EVC2: variants seen among roughly 807,000 people sequenced by gnomAD.
EVC2 encodes limbin.
EVC2 carries 148 observed loss-of-function variants against 149.3 expected under a neutral mutation model. The ratio of observed to expected loss-of-function variants is 0.99; its 90% CI spans 0.87 to 1.14. The LOEUF (loss-of-function observed/expected upper bound fraction) is 1.14. Ranked by LOEUF, EVC2 falls within the 50% of genes most tolerant of loss-of-function variation. EVC2 has a pLI of 0.00. For synonymous variants in EVC2, 776 were observed against 649.9 expected (o/e 1.19, Z -2.95); for missense variants, 1,854 against 1,627.3 (o/e 1.14, Z -2.40).
At chr4:5,586,707 G>A (rs6842286) in intron 16 of EVC2, among the ~76,000 whole-genome samples, 6,164 of 152,114 alleles carry the variant, frequency 0.041, 369 homozygotes, top group African/African-American at 0.14. Flanking sequence ...TCAACCAACT[G>A]CCAATCAGAA....
At chr4:5,642,557 G>A (rs6414622) in intron 9 of EVC2, among the ~76,000 whole-genome samples, 127,179 of 152,200 alleles carry the variant, frequency 0.84, 53,541 homozygotes, top group African/African-American at 0.92. Context: ...ATCCTGAAGT[G>A]AATCACTTTT....
chr4:5,667,347 GATA>G (rs1045377245), intron 7 of EVC2, among the ~76,000 whole-genome samples: 5 of 151,606 alleles, frequency 3.3e-5, no homozygotes, highest in African/African-American at 9.7e-5. Context: ...TGTAATAAGA[GATA>G]ATAATAATTA....
chr4:5,682,511 A>ATAT (rs1160227089), intron 6 of EVC2, among the ~76,000 whole-genome samples: 3 of 150,558 alleles, frequency 2.0e-5, no homozygotes, highest in Non-Finnish European at 4.4e-5. Context: ...AATAATAATA[A>ATAT]TAATAAAATT....
At position 5,665,554 on chromosome 4, in the gene EVC2, G is replaced by A; in HGVS notation, c.966C>T (p.Arg322=). 2 of 1,614,190 alleles carry A rather than the reference G, an allele frequency of 1.2e-6. No individual in the cohort carries two copies. The highest frequency in any genetic ancestry group is 2.2e-5 in the East Asian group (1 of 44,880). ...LTWAALFLMV[R]YQCLKGNMLT... The stretch of plus-strand genomic sequence containing the variant: ...GCATGTTTCCCTTCAGACACTGATA[G>A]CGAACCATGAGGAAGAGGGCAGCCC... Residue 322 remains arginine (R), a synonymous_variant, in exon 8 of 22, where the codon CGC becomes CGT. Coordinates refer to ENST00000344408, the MANE Select transcript of EVC2 (RefSeq NM_147127.5).
In EVC2 at chr4:5,678,688, G is replaced by A. The variant is rs529616469; in HGVS notation, c.870+2572C>T. Among the ~76,000 whole-genome samples, 47 of 152,296 alleles carry A rather than the reference G, an allele frequency of 3.1e-4. 1 individual carries two copies. The highest frequency in any genetic ancestry group is 1.1e-3 in the African/African-American group (46 of 41,566). ...CTACAAACCTGTACAGCATGTTACT[G>A]TACTGAATACTGTAGGTAACTGTAA... On this transcript the variant is annotated intron_variant, in intron 7 of 21. Coordinates refer to ENST00000344408, the MANE Select transcript of EVC2 (RefSeq NM_147127.5).
chr4:5,650,638 T>TATATAGAGAGAGAGAG (rs1162935817), intron 9 of EVC2, among the ~76,000 whole-genome samples: 10 of 45,096 alleles, frequency 2.2e-4, no homozygotes, highest in South Asian at 1.1e-3. Flanking sequence ...TATATATATA[T>TATATAGAGAGAGAGAG]AGAGAGAGAG....
intron 9 of EVC2, among the ~76,000 whole-genome samples, chr4:5,650,826 T>C (rs1020165403): frequency 6.6e-6 from 1 of 152,072 alleles, no homozygotes; most frequent in Non-Finnish European, 1.5e-5. Context: ...GACATGTTTC[T>C]CCAGAGTCCT....
chr4:5,597,134 G>C (rs1713504838), intron 16 of EVC2, among the ~76,000 whole-genome samples: 1 of 152,136 alleles, frequency 6.6e-6, no homozygotes. Flanking sequence ...TTCTACCAGA[G>C]GTAGAAGGAG....
chr4:5,544,581 A>G (rs1033880664), intron 21 of EVC2, among the ~76,000 whole-genome samples: 1 of 152,226 alleles, frequency 6.6e-6, no homozygotes, highest in Non-Finnish European at 1.5e-5. Flanking sequence ...CCAGGTCCCC[A>G]AGAGGGAAGA....
intron 2 of EVC2, among the ~76,000 whole-genome samples, chr4:5,695,555 T>G (rs78251000): frequency 0.073 from 11,111 of 152,218 alleles, 528 homozygotes; most frequent in East Asian, 0.23. Flanking sequence ...AGCTGAGTTC[T>G]CTGGGCCTCA....
rs761148006 is a variant in EVC2 at position 5,681,274 on chromosome 4, C to T, written c.856G>A (p.Glu286Lys). ...QLKVLFSITA[E>K]ENVTVLPHHG... ...ATGTCTCTTACCGTTACGTTTTCTT[C>T]TGCTGTTATGGAAAAAAGCACTTTC... The change falls in exon 7 of 22, where the codon GAA (glutamate) becomes AAA (lysine). Residue 286 changes from glutamate (E) to lysine (K), a missense_variant. Transcript: ENST00000344408. 3.1e-6 allele frequency: 5 copies of T among 1,614,240 alleles called. No individual in the cohort carries two copies. The highest frequency in any genetic ancestry group is 4.2e-6 in the Non-Finnish European group (5 of 1,180,038).
chr4:5,579,369 T>C (rs1711555268), intron 17 of EVC2, among the ~76,000 whole-genome samples: 1 of 152,238 alleles, frequency 6.6e-6, no homozygotes, highest in South Asian at 2.1e-4. Flanking sequence ...CTTAGCCCAC[T>C]GCTTTGGACA....
chr4:5,648,975 TG>T (rs557502061), intron 9 of EVC2, among the ~76,000 whole-genome samples: 107 of 152,358 alleles, frequency 7.0e-4, no homozygotes, highest in African/African-American at 2.5e-3. Flanking sequence ...TCAGGTCCAC[TG>T]GTGAAGACTT....
rs1015050543 is a variant in EVC2, at chr4:5,562,853, C to T, written c.3922G>A (p.Asp1308Asn). 1 of 1,613,966 alleles carries T rather than the reference C, an allele frequency of 6.2e-7. No homozygotes were observed. The highest frequency in any genetic ancestry group is 1.1e-5 in the South Asian group (1 of 91,080). ...CCGCAGGTCTTTCCCTTGGGCTAGT[C>T]CATGCCCAAGGCCCTCATGGCCTTT... ...AKKAMRALGM[D>N] Residue 1308 changes from aspartate (D) to asparagine (N), a missense_variant, in exon 22 of 22, where the codon GAC becomes AAC. By Grantham distance (23) the Asp-to-Asn change is conservative (BLOSUM62 1). Transcript: ENST00000344408. The surrounding 1 kb of genome is among the most constrained non-coding windows in gnomAD (Gnocchi z 4.3).
At chr4:5,598,690 A>G (rs1345759185) in intron 16 of EVC2, among the ~76,000 whole-genome samples, 2 of 152,180 alleles carry the variant, frequency 1.3e-5, no homozygotes, top group Non-Finnish European at 2.9e-5. Flanking sequence ...CACCAAAAGC[A>G]ATGGCAACAA....
chr4:5,581,816 G>GTGCCCCAC (rs1008568906), intron 17 of EVC2, among the ~76,000 whole-genome samples: 4 of 152,340 alleles, frequency 2.6e-5, no homozygotes, highest in African/African-American at 9.6e-5. Context: ...GCCAGGCCCA[G>GTGCCCCAC]TGCCCCACTG....
At chr4:5,704,418 C>A (rs934516560) in intron 1 of EVC2, among the ~76,000 whole-genome samples, 3 of 152,072 alleles carry the variant, frequency 2.0e-5, no homozygotes, top group South Asian at 4.1e-4. Flanking sequence ...AGGCAAGGGG[C>A]AGGATTTCGG....
At chr4:5,556,881 G>A (rs115354663) in intron 21 of EVC2, among the ~76,000 whole-genome samples, 5 of 151,336 alleles carry the variant, frequency 3.3e-5, no homozygotes, top group Non-Finnish European at 4.4e-5. Flanking sequence ...TTCACACAAC[G>A]TGAAGGAGAT....
At chr4:5,563,777 A>G (rs1722096518) in intron 21 of EVC2, among the ~76,000 whole-genome samples, 1 of 152,184 alleles carries the variant, frequency 6.6e-6, no homozygotes. Context: ...CCACAAGCCA[A>G]TTGTTAAACA....
Sources: allele counts gnomAD v4.1 joint callset (sites outside exome capture counted in the v4.1 genomes callset), GRCh38; gene constraint gnomAD v4.1.1; non-coding constraint Gnocchi (gnomAD v3.1); transcripts MANE v1.5; gene names NCBI Gene and HGNC (gene_info 2026-07-23, HGNC 2026-07-21).